COG3: variants seen among roughly 807,000 people sequenced by gnomAD.
The protein encoded by COG3 is conserved oligomeric Golgi complex subunit 3.
COG3 carries 32 observed loss-of-function variants against 114.1 expected under a neutral mutation model. The ratio of observed to expected loss-of-function variants is 0.28; its 90% confidence interval spans 0.21 to 0.38. The LOEUF is 0.38. COG3 is among the 10% of genes least tolerant of loss of function. COG3 has a pLI of 1.00. For synonymous variants in COG3, 352 were observed against 365.7 expected, an observed-to-expected ratio of 0.96 and a Z score of 0.43; for missense variants, 813 against 973.2, an observed-to-expected ratio of 0.84 and a Z score of 2.19.
intron 4 of COG3, among the ~76,000 whole-genome samples, chr13:45,480,783 C>T (rs879902350): frequency 2.0e-5 from 3 of 152,142 alleles, no homozygotes; most frequent in African/African-American, 7.2e-5. Flanking sequence ...CTAGGCTGGT[C>T]TCAAACTCCT....
intron 20 of COG3, among the ~76,000 whole-genome samples, chr13:45,526,076 ATTTTTTTTTTTTTTT>A (rs386379016): frequency 1.8e-5 from 1 of 56,572 alleles, no homozygotes; most frequent in Non-Finnish European, 3.0e-5. Flanking sequence ...CAAAATTTTA[ATTTTTTTTTTTTTTT>A]TTTTTTTTTT....
chr13:45,521,621 G>A (rs906987326), intron 19 of COG3, among the ~76,000 whole-genome samples: 3 of 151,202 alleles, frequency 2.0e-5, no homozygotes, highest in Admixed American at 1.3e-4. Context: ...TTCAGACACT[G>A]CATCTTAAAA....
intron 13 of COG3, among the ~76,000 whole-genome samples, chr13:45,499,020 G>T (rs777306739): frequency 1.3e-5 from 2 of 151,754 alleles, no homozygotes; most frequent in Non-Finnish European, 2.9e-5. Context: ...GGGGAAAGAG[G>T]GTGGTATTTA....
chr13:45,498,382 A>G (rs1475782097), intron 13 of COG3, among the ~76,000 whole-genome samples: 1 of 124,526 alleles, frequency 8.0e-6, no homozygotes, highest in East Asian at 2.2e-4. Flanking sequence ...TTTTTGAGAC[A>G]TAGTTTCACT....
rs1871506358 is a variant in COG3 at position 45,516,056 on chromosome 13, A to G, written c.1810-87A>G. 4.2e-6 allele frequency: 4 copies of G among 960,414 alleles called. No homozygotes were observed. The East Asian group carries it at 1.1e-4, about 27-fold the overall frequency. 59.5% of individuals were successfully genotyped at this position (960,414 alleles called of 1,614,324 possible). Reference sequence around the variant, plus strand: ...CACCATAGGCTGTAAACCTAGGTAGATTAATGTTGATTAATAATGTATGCT... The same window carrying G: ...CACCATAGGCTGTAAACCTAGGTAGGTTAATGTTGATTAATAATGTATGCT... On this transcript the variant is annotated intron_variant, in intron 16 of 22. Transcript: ENST00000349995.
Position 45,536,510 on chromosome 13 carries a change from C to G in COG3, c.*1779C>G, listed in dbSNP as rs1477486598. On this transcript the variant is annotated 3_prime_UTR_variant, in exon 23 of 23. Coordinates refer to ENST00000349995, the MANE Select transcript of COG3 (RefSeq NM_031431.4). ...AAATCTGTACAGTTTTAAGTGTTCACTTATACAAAGAGTGTATATACTTTC... is the reference window on the plus strand; with the variant it reads ...AAATCTGTACAGTTTTAAGTGTTCAGTTATACAAAGAGTGTATATACTTTC... The G allele has an allele frequency of 1.3e-5, 2 of 152,182 alleles. No individual in the cohort carries two copies. Among genetic ancestry groups the G allele is most frequent in the African/African-American group, 4.8e-5 (2 of 41,440 alleles). The allele number at this position is 152,182 out of a possible 1,614,324, so 9.4% of individuals were successfully genotyped here.
rs746686247 is a variant in COG3 at position 45,481,271 on chromosome 13, T to C, written c.591T>C (p.Leu197=). 2.8e-5 allele frequency: 44 copies of C among 1,598,622 alleles called. No individual in the cohort carries two copies. The highest frequency in any genetic ancestry group is 3.5e-5 in the Non-Finnish European group (41 of 1,167,914). ...VDLAENIQQK[L]SYFNELETIN... is the part of the protein sequence containing the mutation. ...TGGCTGAAAACATTCAACAAAAGCTTTCCTATTTTAACGAATTGGAAACTA... is the reference window on the plus strand; with the variant it reads ...TGGCTGAAAACATTCAACAAAAGCTCTCCTATTTTAACGAATTGGAAACTA... The change falls in exon 5 of 23, where the codon CTT becomes CTC. Residue 197 remains leucine, a synonymous_variant. Transcript: ENST00000349995.
At chr13:45,477,412 G>GTATT (rs1392061557) in intron 2 of COG3, among the ~76,000 whole-genome samples, 1 of 152,106 alleles carries the variant, frequency 6.6e-6, no homozygotes, top group African/African-American at 2.4e-5. Flanking sequence ...ACAATAAAAT[G>GTATT]TATTCATTTT....
intron 19 of COG3, among the ~76,000 whole-genome samples, chr13:45,521,577 G>GCGCACACACACACA (rs147991863): frequency 1.7e-4 from 25 of 148,378 alleles, no homozygotes; most frequent in African/African-American, 6.2e-4. Flanking sequence ...ATACATACGT[G>GCGCACACACACACA]CACACACACA....
chr13:45,524,617 G>A (rs1035240388), intron 19 of COG3, among the ~76,000 whole-genome samples: 2 of 152,174 alleles, frequency 1.3e-5, no homozygotes, highest in Admixed American at 1.3e-4. Flanking sequence ...ATTTAATATT[G>A]ACGTAACAGT....
At chr13:45,495,678 C>CT in intron 12 of COG3, among the ~76,000 whole-genome samples, 1 of 152,182 alleles carries the variant, frequency 6.6e-6, no homozygotes, top group East Asian at 1.9e-4. Flanking sequence ...CTGCGCCTTG[C>CT]TGATGGCATC....
At chr13:45,523,541 T>G (rs865826097) in intron 19 of COG3, among the ~76,000 whole-genome samples, 4 of 152,212 alleles carry the variant, frequency 2.6e-5, no homozygotes, top group African/African-American at 9.6e-5. Flanking sequence ...GGAAAACTTT[T>G]GAAGCAAATG....
At chr13:45,526,347 A>G (rs1389629579) in intron 20 of COG3, among the ~76,000 whole-genome samples, 3 of 151,998 alleles carry the variant, frequency 2.0e-5, no homozygotes, top group Admixed American at 1.3e-4. Flanking sequence ...CGACCTCCCA[A>G]AATGCTGGGA....
Position 45,534,823 on chromosome 13 carries a change from GGGAA to G in COG3, c.*93_*96del. 1 of 1,414,488 alleles carries G rather than the reference GGGAA, an allele frequency of 7.1e-7. No individual in the cohort carries two copies. The highest frequency in any genetic ancestry group is 9.2e-7 in the Non-Finnish European group (1 of 1,083,400). The allele number at this position is 1,414,488 out of a possible 1,614,324, so 87.6% of individuals were successfully genotyped here. A position where few individuals can be genotyped will look rare whatever the true frequency, so the allele number is the denominator to read the frequency against. The stretch of plus-strand genomic sequence containing the variant: ...TGCAGGACACCGAGGAATCGTATGT[GGGAA>G]CGTCCCCGAGAACCACACGAGCGTG... On this transcript the variant is annotated 3_prime_UTR_variant, in exon 23 of 23. Coordinates refer to ENST00000349995, the MANE Select transcript of COG3 (RefSeq NM_031431.4).
intron 19 of COG3, among the ~76,000 whole-genome samples, chr13:45,523,232 TTTGA>T (rs1175697806): frequency 6.6e-6 from 1 of 152,092 alleles, no homozygotes; most frequent in African/African-American, 2.4e-5. Context: ...TTTCAAGTAA[TTTGA>T]TTATTACGAG....
chr13:45,529,129 G>A (rs1872945729), intron 20 of COG3, among the ~76,000 whole-genome samples: 1 of 152,126 alleles, frequency 6.6e-6, no homozygotes, highest in East Asian at 1.9e-4. Context: ...TATGAGTGAG[G>A]TTGAGCATCT....
At chr13:45,525,417 A>G (rs1872568940) in intron 20 of COG3, among the ~76,000 whole-genome samples, 1 of 152,124 alleles carries the variant, frequency 6.6e-6, no homozygotes, top group Non-Finnish European at 1.5e-5. Context: ...ACCCACTTTC[A>G]AGTGTATGAA....
intron 9 of COG3, 67 bp downstream of exon 9, chr13:45,491,025 C>A: frequency 9.8e-7 from 1 of 1,017,034 alleles, no homozygotes; most frequent in Non-Finnish European, 1.5e-6. Context: ...TTTTCCAAAT[C>A]TGGATCTCTG....
At chr13:45,521,577 G>GCACACACA (rs3084002) in intron 19 of COG3, among the ~76,000 whole-genome samples, 15,606 of 148,380 alleles carry the variant, frequency 0.11, 861 homozygotes, top group South Asian at 0.11. Flanking sequence ...ATACATACGT[G>GCACACACA]CACACACACA....
Sources: allele counts gnomAD v4.1 joint callset (sites outside exome capture counted in the v4.1 genomes callset), GRCh38; gene constraint gnomAD v4.1.1; transcripts MANE v1.5; gene names NCBI Gene and HGNC (gene_info 2026-07-23, HGNC 2026-07-21).